The following CHN1 variants were observed in gnomAD, a reference collection of about 807,000 sequenced individuals.
The protein encoded by CHN1 is N-chimaerin.
Under a neutral mutation model 59.5 loss-of-function variants are expected in CHN1, and 37 were observed. That is an observed-to-expected ratio of 0.62 (90% CI 0.48 to 0.82). The LOEUF is 0.82. Among genes scored for constraint, CHN1 ranks in the 40% least tolerant of loss-of-function variants. The pLI is 0.00. For missense variants in CHN1, 469 were observed against 571.0 expected, an observed-to-expected ratio of 0.82 and a Z score of 1.82; for synonymous variants, 206 against 200.4, an observed-to-expected ratio of 1.03 and a Z score of -0.24.
At chr2:174,997,476 C>T (rs577430438) in intron 1 of CHN1, among the ~76,000 whole-genome samples, 1 of 152,284 alleles carries the variant, frequency 6.6e-6, no homozygotes, top group South Asian at 2.1e-4. Context: ...AAAGAATGTA[C>T]TTATCTATGC....
chr2:174,935,241 A>T (rs954804308), intron 3 of CHN1, among the ~76,000 whole-genome samples: 1 of 152,218 alleles, frequency 6.6e-6, no homozygotes, highest in Non-Finnish European at 1.5e-5. Context: ...CTACCGCTCC[A>T]TTCCCCACCT....
intron 5 of CHN1, among the ~76,000 whole-genome samples, chr2:174,906,413 C>T (rs1688544532): frequency 6.6e-6 from 1 of 151,948 alleles, no homozygotes; most frequent in Admixed American, 6.6e-5. Flanking sequence ...TCAATAGAGA[C>T]AAAAGTAGAT....
At chr2:174,891,155 A>AG (rs1329534089) in intron 5 of CHN1, among the ~76,000 whole-genome samples, 1 of 149,732 alleles carries the variant, frequency 6.7e-6, no homozygotes, top group African/African-American at 2.5e-5. Context: ...AAAAAAAAAA[A>AG]AAAAAAAAAA....
intron 5 of CHN1, among the ~76,000 whole-genome samples, chr2:174,898,437 T>C (rs1365357045): frequency 9.9e-6 from 1 of 101,502 alleles, no homozygotes; most frequent in Non-Finnish European, 1.9e-5. Context: ...CCGTCTCTAC[T>C]GAAAAAAAAA....
At chr2:174,984,604 T>C (rs780200555) in intron 1 of CHN1, among the ~76,000 whole-genome samples, 48 of 152,268 alleles carry the variant, frequency 3.2e-4, no homozygotes, top group Admixed American at 1.0e-3. Context: ...CTTGACCTTG[T>C]GATCTGCCTG....
At chr2:174,805,388 TTA>T (rs1684853370) in intron 11 of CHN1, among the ~76,000 whole-genome samples, 1 of 152,246 alleles carries the variant, frequency 6.6e-6, no homozygotes, top group African/African-American at 2.4e-5. Context: ...ATAAGTTGAC[TTA>T]TTCAACAAAT....
At chr2:174,869,981 TA>T (rs1187944868) in intron 6 of CHN1, among the ~76,000 whole-genome samples, 1 of 152,236 alleles carries the variant, frequency 6.6e-6, no homozygotes, top group Non-Finnish European at 1.5e-5. Context: ...GACCTTTCAC[TA>T]AACACTGTTA....
At chr2:174,964,262 T>A (rs1276171657) in intron 1 of CHN1, among the ~76,000 whole-genome samples, 1 of 152,156 alleles carries the variant, frequency 6.6e-6, no homozygotes, top group East Asian at 1.9e-4. Context: ...GATAACAAAC[T>A]CTTTCTGGAA....
chr2:174,987,242 T>C (rs1163455007), intron 1 of CHN1, among the ~76,000 whole-genome samples: 1 of 152,130 alleles, frequency 6.6e-6, no homozygotes, highest in Non-Finnish European at 1.5e-5. Flanking sequence ...GGGCAGGGGA[T>C]ATCTGCCCTC....
At chr2:174,838,962 A>G (rs1686190604) in intron 7 of CHN1, among the ~76,000 whole-genome samples, 1 of 151,866 alleles carries the variant, frequency 6.6e-6, no homozygotes, top group African/African-American at 2.4e-5. Context: ...AGTTGCAGTG[A>G]GCTGAGATTG....
chr2:174,839,454 A>G (rs1224829829), intron 7 of CHN1, among the ~76,000 whole-genome samples: 1 of 152,174 alleles, frequency 6.6e-6, no homozygotes, highest in African/African-American at 2.4e-5. Flanking sequence ...TTCCACTTAT[A>G]TGAGGTATCT....
chr2:174,998,302 CAAAAAAAAAAAA>C (rs34770658), intron 1 of CHN1, among the ~76,000 whole-genome samples: 8 of 48,804 alleles, frequency 1.6e-4, no homozygotes, highest in Non-Finnish European at 2.2e-4. Flanking sequence ...GACTCTGTCT[CAAAAAAAAAAAA>C]AAAAAAAAGA....
chr2:174,893,259 G>C (rs750007501), intron 5 of CHN1, among the ~76,000 whole-genome samples: 1 of 152,068 alleles, frequency 6.6e-6, no homozygotes, highest in Non-Finnish European at 1.5e-5. Context: ...ACCAATAAAT[G>C]AATTTAGTAA....
At chr2:174,901,872 T>G (rs1688397754) in intron 5 of CHN1, among the ~76,000 whole-genome samples, 1 of 152,182 alleles carries the variant, frequency 6.6e-6, no homozygotes, top group South Asian at 2.1e-4. Context: ...AATCAGAATT[T>G]TTAAAAAGGG....
At chr2:174,843,387 G>T (rs540097947) in intron 7 of CHN1, among the ~76,000 whole-genome samples, 2 of 151,966 alleles carry the variant, frequency 1.3e-5, no homozygotes, top group Non-Finnish European at 2.9e-5. Context: ...CTACAGTCAC[G>T]TGCCACCACA....
intron 1 of CHN1, among the ~76,000 whole-genome samples, chr2:175,000,781 C>T (rs1691866798): frequency 1.3e-5 from 2 of 152,118 alleles, no homozygotes; most frequent in South Asian, 4.1e-4. Flanking sequence ...GATGGTATCT[C>T]CCTGTGTTGT....
rs1685075253 is a variant in CHN1, at chr2:174,811,567, T to A, written c.908A>T (p.Tyr303Phe). 5 of 1,609,016 alleles carry A rather than the reference T, an allele frequency of 3.1e-6. No homozygotes were observed. The highest frequency in any genetic ancestry group is 4.2e-6 in the Non-Finnish European group (5 of 1,177,308). The stretch of plus-strand genomic sequence containing the variant: ...TAGGTCACTAAATCCTGATACTCGG[T>A]ATAGTCCTTCAGAATTAAGACCTGA... ...ESRGLNSEGL[Y>F]RVSGFSDLIE... The change falls in exon 10 of 13, where the codon TAC (tyrosine) becomes TTC (phenylalanine). Residue 303 changes from tyrosine (Y) to phenylalanine (F), a missense_variant. Around this residue, in one of 5 missense-constraint regions of CHN1, gnomAD observed 225 missense variants for 289.9 expected, o/e 0.78. Coordinates refer to ENST00000409900, the MANE Select transcript of CHN1 (RefSeq NM_001822.7).
intron 5 of CHN1, among the ~76,000 whole-genome samples, chr2:174,894,986 TGTTA>T (rs1688166924): frequency 6.6e-6 from 1 of 151,826 alleles, no homozygotes; most frequent in Admixed American, 6.6e-5. Context: ...GCTACCCACC[TGTTA>T]GTCACTTAGT....
In CHN1 at chr2:174,814,782, T is replaced by C. The variant is rs569311070; in HGVS notation, c.713-2300A>G. Among the ~76,000 whole-genome samples, 4 of 152,272 alleles carry C rather than the reference T, an allele frequency of 2.6e-5. No homozygotes were observed. In the South Asian group the frequency reaches 6.2e-4, roughly 24 times the overall value. On this transcript the variant is annotated intron_variant, in intron 8 of 12. Coordinates refer to ENST00000409900, the MANE Select transcript of CHN1 (RefSeq NM_001822.7). ...GCTAAGTTGAACTCAAGGCTAAAAATTTCATATTTGTCAGATGTGGAGGCC... is the reference window on the plus strand; with the variant it reads ...GCTAAGTTGAACTCAAGGCTAAAAACTTCATATTTGTCAGATGTGGAGGCC...
Sources: allele counts gnomAD v4.1 joint callset (sites outside exome capture counted in the v4.1 genomes callset), GRCh38; gene constraint gnomAD v4.1.1; regional missense constraint gnomAD v4.1.1; transcripts MANE v1.5; gene names NCBI Gene and HGNC (gene_info 2026-07-23, HGNC 2026-07-21).